SCUBE1: variants seen among roughly 807,000 people sequenced by gnomAD.
The protein encoded by SCUBE1 is signal peptide, CUB and EGF-like domain-containing protein 1.
In SCUBE1, 59 loss-of-function variants were observed where a neutral mutation model predicts 124.4. The ratio of observed to expected loss-of-function variants is 0.47; its 90% CI spans 0.38 to 0.59. The LOEUF is 0.59. Among genes scored for constraint, SCUBE1 ranks in the 20% least tolerant of loss-of-function variants. The pLI, the probability that SCUBE1 is intolerant of heterozygous loss-of-function variation, is 0.00. For synonymous variants in SCUBE1, 545 were observed against 550.9 expected, an observed-to-expected ratio of 0.99 and a Z score of 0.15; for missense variants, 1,150 against 1,371.2, an observed-to-expected ratio of 0.84 and a Z score of 2.55.
At chr22:43,256,371 G>A (rs1923661118) in intron 6 of SCUBE1, among the ~76,000 whole-genome samples, 1 of 152,224 alleles carries the variant, frequency 6.6e-6, no homozygotes, top group South Asian at 2.1e-4. Context: ...GGCAGGTGAG[G>A]TTAGCTGGGT....
At chr22:43,205,273 G>A (rs1016377678) in intron 21 of SCUBE1, among the ~76,000 whole-genome samples, 4 of 152,124 alleles carry the variant, frequency 2.6e-5, no homozygotes, top group African/African-American at 9.7e-5. Flanking sequence ...AAACGGGGCT[G>A]TCCTCCGGAG....
chr22:43,233,649 T>C (rs1486327381), intron 7 of SCUBE1: 3 of 152,246 alleles, frequency 2.0e-5, no homozygotes, highest in African/African-American at 7.2e-5. Flanking sequence ...ACTTTAAAGA[T>C]GGCACTGAGC....
intron 4 of SCUBE1, among the ~76,000 whole-genome samples, chr22:43,288,173 G>T (rs991268227): frequency 6.6e-6 from 1 of 152,196 alleles, no homozygotes; most frequent in African/African-American, 2.4e-5. Flanking sequence ...AATGCAGATT[G>T]GGACTGAGGC....
At chr22:43,276,683 C>A (rs8137571) in intron 4 of SCUBE1, among the ~76,000 whole-genome samples, 47,174 of 152,190 alleles carry the variant, frequency 0.31, 7,862 homozygotes, top group East Asian at 0.45. Context: ...GGCCTGTGCC[C>A]ACAAACCCCA....
rs1925035871 is a variant in SCUBE1 at position 43,284,125 on chromosome 22, C to T, written c.484+6921G>A. 2.6e-5 allele frequency among the ~76,000 whole-genome samples: 4 copies of T among 152,232 alleles called. No homozygotes were observed. In the South Asian group the frequency reaches 8.3e-4, roughly 32 times the overall value. ...CTTCAGAGCAAGACCCGTGACAACA[C>T]AGTGGTATGTAACAGTTAATAAGAG... On this transcript the variant is annotated intron_variant, in intron 4 of 21. Coordinates refer to ENST00000360835, the MANE Select transcript of SCUBE1 (RefSeq NM_173050.5).
Position 43,211,568 on chromosome 22 carries a change from G to GTGCAATGGTGCCATCTCGGCTCAC in SCUBE1, c.2222-509_2222-486dup, listed in dbSNP as rs1921557840. ...AGCTCGCTCCGTCACCCAGGCTGGAGTGCAATGGTGCCATCTCGGCTCACT... is the reference window on the plus strand; with the variant it reads ...AGCTCGCTCCGTCACCCAGGCTGGAGTGCAATGGTGCCATCTCGGCTCACTGCAATGGTGCCATCTCGGCTCACT... On this transcript the variant is annotated intron_variant, in intron 17 of 21. Transcript: ENST00000360835. The surrounding 1 kb of genome is among the most constrained non-coding windows in gnomAD (Gnocchi z 4.5). 6.6e-6 allele frequency among the ~76,000 whole-genome samples: 1 copy of GTGCAATGGTGCCATCTCGGCTCAC among 151,518 alleles called. No individual in the cohort carries two copies. Among genetic ancestry groups the GTGCAATGGTGCCATCTCGGCTCAC allele is most frequent in the African/African-American group, 2.4e-5 (1 of 41,198 alleles).
rs373081185 is a variant in SCUBE1 at position 43,236,668 on chromosome 22, C to T, written c.844+2170G>A. Among the ~76,000 whole-genome samples the T allele has an allele frequency of 3.3e-4, 50 of 152,290 alleles. 1 individual carries two copies. The highest frequency in any genetic ancestry group is 2.1e-3 in the South Asian group (10 of 4,828). ...GGCAACAGTCACAGTGCTGAAAATG[C>T]TTCCCCTGCCCCCATCATTGCCTGA... On this transcript the variant is annotated intron_variant, in intron 7 of 21. Transcript: ENST00000360835.
At chr22:43,213,561 T>TTC in intron 16 of SCUBE1, 1 of 152,332 alleles carries the variant, frequency 6.6e-6, no homozygotes, top group Admixed American at 6.5e-5. Context: ...GAGAGGGAGG[T>TTC]AAATGCAAAA....
chr22:43,234,445 C>T lies in SCUBE1; in HGVS notation c.845-2570G>A, dbSNP rs543750518. Among the ~76,000 whole-genome samples the T allele has an allele frequency of 2.0e-5, 3 of 152,330 alleles. No individual in the cohort carries two copies. In the East Asian group the frequency reaches 5.8e-4, roughly 29 times the overall value. ...CCTCCTCAGTGGAGCCTCAGGCCTT[C>T]CAGAGCCCCCAGCCCCATCCCCTGC... On this transcript the variant is annotated intron_variant, in intron 7 of 21. Coordinates refer to ENST00000360835, the MANE Select transcript of SCUBE1 (RefSeq NM_173050.5). The surrounding 1 kb of genome is among the most constrained non-coding windows in gnomAD (Gnocchi z 4.4).
intron 3 of SCUBE1, among the ~76,000 whole-genome samples, chr22:43,312,967 G>C (rs577334631): frequency 6.6e-6 from 1 of 152,340 alleles, no homozygotes; most frequent in Admixed American, 6.5e-5. Flanking sequence ...TCCCAGACCT[G>C]GGCTCTAGTC....
Position 43,220,337 on chromosome 22 carries a change from C to T in SCUBE1, c.1687+113G>A, listed in dbSNP as rs1051509409. ...AGAAGCTGGGCTCCCATCCCAGCCA[C>T]AGCTGTGCTCTGGTGGGAGCCTAGC... On this transcript the variant is annotated intron_variant, in intron 14 of 21. Transcript: ENST00000360835. 23 of 1,233,462 alleles carry T rather than the reference C, an allele frequency of 1.9e-5. No individual in the cohort carries two copies. In the Admixed American group the frequency reaches 5.1e-4, roughly 27 times the overall value. The allele number at this position is 1,233,462 out of a possible 1,614,324, so 76.4% of individuals were successfully genotyped here.
At chr22:43,227,631 G>T in intron 9 of SCUBE1, 135 bp from the exon 10 acceptor site, 1 of 1,116,580 alleles carries the variant, frequency 9.0e-7, no homozygotes, top group Non-Finnish European at 1.3e-6. Context: ...ATGCAGATGA[G>T]CAGTGCACAC....
At chr22:43,302,027 T>A (rs896985821) in intron 3 of SCUBE1, among the ~76,000 whole-genome samples, 5 of 152,200 alleles carry the variant, frequency 3.3e-5, no homozygotes, top group African/African-American at 1.2e-4. Flanking sequence ...GACAGGAGCA[T>A]GTGCTGGCTA....
At chr22:43,289,882 T>C (rs1445442858) in intron 4 of SCUBE1, among the ~76,000 whole-genome samples, 3 of 147,090 alleles carry the variant, frequency 2.0e-5, no homozygotes, top group Admixed American at 6.6e-5. Flanking sequence ...TCTCTCAGCG[T>C]GAGCCCCTCT....
Position 43,204,001 on chromosome 22 carries a change from T to A in SCUBE1, c.2963A>T (p.Lys988Ile). 1 of 1,613,988 alleles carries A rather than the reference T, an allele frequency of 6.2e-7. No homozygotes were observed. Among genetic ancestry groups the A allele is most frequent in the Non-Finnish European group, 8.5e-7 (1 of 1,179,942 alleles). Residue 988 changes from lysine (K) to isoleucine (I), a missense_variant, in exon 22 of 22, where the codon AAA becomes ATA. By Grantham distance (102) the Lys-to-Ile change is moderately radical (BLOSUM62 -3). Coordinates refer to ENST00000360835, the MANE Select transcript of SCUBE1 (RefSeq NM_173050.5). The part of the protein sequence containing the change: ...SKVSRFLRPY[K>I] ...AGGCAGGGCCGCTCCCCCCGGTTAT[T>A]TGTAGGGCCGCAGGAACCGAGACAC...
At position 43,211,050 on chromosome 22, in the gene SCUBE1, G is replaced by A; in HGVS notation, c.2255C>T (p.Thr752Ile). The change falls in exon 18 of 22, where the codon ACC becomes ATC. Residue 752 changes from threonine to isoleucine, a missense_variant. Physicochemically the swap from Thr to Ile is moderately conservative, Grantham distance 89. Around this residue, in one of 3 missense-constraint regions of SCUBE1, gnomAD observed 757 missense variants for 840.9 expected, o/e 0.90. Coordinates refer to ENST00000360835, the MANE Select transcript of SCUBE1 (RefSeq NM_173050.5). This position sits in a 1 kb window ranked among gnomAD's most constrained non-coding sequence, Gnocchi z 4.5. ...HCSPGHHYNTTTHRCIRCPVG... is the reference protein window; with the variant it reads ...HCSPGHHYNTITHRCIRCPVG... ...GGGGCAGCGGATGCAGCGGTGGGTGGTGGTGTTGTAGTGGTGGCCGGGGGA... is the reference window on the plus strand; with the variant it reads ...GGGGCAGCGGATGCAGCGGTGGGTGATGGTGTTGTAGTGGTGGCCGGGGGA... The A allele has an allele frequency of 1.9e-6, 3 of 1,613,734 alleles. No individual in the cohort carries two copies. The highest frequency in any genetic ancestry group is 1.1e-5 in the South Asian group (1 of 91,024).
chr22:43,212,451 G>A lies in SCUBE1; in HGVS notation c.2195C>T (p.Thr732Ile), dbSNP rs1422615512. 1.9e-6 allele frequency: 3 copies of A among 1,552,364 alleles called. No homozygotes were observed. Among genetic ancestry groups the A allele is most frequent in the Non-Finnish European group, 2.6e-6 (3 of 1,147,852 alleles). Residue 732 changes from threonine to isoleucine, a missense_variant, in exon 17 of 22, where the codon ACC (threonine) becomes ATC (isoleucine). Physicochemically the swap from Thr to Ile is moderately conservative, Grantham distance 89 (BLOSUM62 -1). This residue lies in a region of SCUBE1 where 757 missense variants were observed against 840.9 expected (regional missense o/e 0.90). Coordinates refer to ENST00000360835, the MANE Select transcript of SCUBE1 (RefSeq NM_173050.5). Reference sequence around the variant, plus strand: ...TTTAGCCTCGCAGTCCTGGAAGGAGGTGGTGCCTTCGTGTTTGGTGAGCAA... The same window carrying A: ...TTTAGCCTCGCAGTCCTGGAAGGAGATGGTGCCTTCGTGTTTGGTGAGCAA... ...GGLLTKHEGTTSFQDCEAKVH... is the reference protein window; with the variant it reads ...GGLLTKHEGTISFQDCEAKVH...
Position 43,234,877 on chromosome 22 carries a change from C to T in SCUBE1, c.845-3002G>A, listed in dbSNP as rs1363058695. On this transcript the variant is annotated intron_variant, in intron 7 of 21. Coordinates refer to ENST00000360835, the MANE Select transcript of SCUBE1 (RefSeq NM_173050.5). This position sits in a 1 kb window ranked among gnomAD's most constrained non-coding sequence, Gnocchi z 4.4. Reference sequence around the variant, plus strand: ...GGCTGCTTTGCCTCCTTTCTCCAGGCTGCTTGGCTCCTGCCCTGGCAGCCT... The same window carrying T: ...GGCTGCTTTGCCTCCTTTCTCCAGGTTGCTTGGCTCCTGCCCTGGCAGCCT... Among the ~76,000 whole-genome samples, 2 of 152,190 alleles carry T rather than the reference C, an allele frequency of 1.3e-5. No individual in the cohort carries two copies.
intron 3 of SCUBE1, among the ~76,000 whole-genome samples, chr22:43,292,726 G>A (rs1206960608): frequency 6.6e-6 from 1 of 152,170 alleles, no homozygotes. Context: ...GCTGTGGAGC[G>A]ATTTGAGCCA....
Sources: allele counts gnomAD v4.1 joint callset (sites outside exome capture counted in the v4.1 genomes callset), GRCh38; gene constraint gnomAD v4.1.1; regional missense constraint gnomAD v4.1.1; non-coding constraint Gnocchi (gnomAD v3.1); transcripts MANE v1.5; gene names NCBI Gene and HGNC (gene_info 2026-07-23, HGNC 2026-07-21).